Variants in SLMAP observed in about 807,000 individuals in gnomAD.
The protein encoded by SLMAP is sarcolemma associated protein.
Under a neutral mutation model 128.8 loss-of-function variants are expected in SLMAP, and 44 were observed. The observed-to-expected ratio is 0.34, with a 90% confidence interval of 0.27 to 0.44. SLMAP has a LOEUF of 0.44. Ranked by LOEUF, SLMAP falls within the 20% of genes least tolerant of loss-of-function variation. The pLI is 1.00. For missense variants in SLMAP, 787 were observed against 985.3 expected (o/e 0.80, Z 2.69); for synonymous variants, 327 against 348.8 (o/e 0.94, Z 0.70).
intron 15 of SLMAP, chr3:57,896,149 T>G: frequency 1.3e-6 from 1 of 753,768 alleles, no homozygotes; most frequent in Non-Finnish European, 1.6e-6. Context: ...TCTCCTTTAA[T>G]CATCTTTATA....
At chr3:57,821,267 CA>C (rs1553841686) in intron 2 of SLMAP, among the ~76,000 whole-genome samples, 2 of 152,014 alleles carry the variant, frequency 1.3e-5, no homozygotes. Flanking sequence ...GAGCTGGCCC[CA>C]AAAGAAAGAT....
In SLMAP at chr3:57,908,346, T is replaced by C. The variant is rs138291555; in HGVS notation, c.1624+340T>C. ...AATGTTAGCTAATGTCCTGGCCACA[T>C]TCTTTTCTAGTAGCTCACTTATCTA... On this transcript the variant is annotated intron_variant, in intron 18 of 24. Transcript: ENST00000671191. 1.5e-3 allele frequency among the ~76,000 whole-genome samples: 228 copies of C among 152,352 alleles called. 1 individual carries two copies. Among genetic ancestry groups the C allele is most frequent in the African/African-American group, 4.7e-3 (195 of 41,586 alleles).
chr3:57,781,286 A>G (rs1003982801), intron 2 of SLMAP, among the ~76,000 whole-genome samples: 5 of 152,056 alleles, frequency 3.3e-5, no homozygotes, highest in Non-Finnish European at 7.4e-5. Context: ...CAGCTACATT[A>G]TGTATGTATT....
At chr3:57,816,127 G>A (rs2091822562) in intron 2 of SLMAP, among the ~76,000 whole-genome samples, 2 of 151,484 alleles carry the variant, frequency 1.3e-5, no homozygotes, top group South Asian at 2.1e-4. Flanking sequence ...TAAACCGTTT[G>A]TGTTTGTTTG....
At chr3:57,863,260 G>A (rs2095172687) in intron 10 of SLMAP, among the ~76,000 whole-genome samples, 1 of 152,002 alleles carries the variant, frequency 6.6e-6, no homozygotes, top group Non-Finnish European at 1.5e-5. Flanking sequence ...TGTCTAGTTG[G>A]TCCTTTAGAA....
At chr3:57,838,341 G>A (rs2093739785) in intron 3 of SLMAP, among the ~76,000 whole-genome samples, 1 of 152,204 alleles carries the variant, frequency 6.6e-6, no homozygotes, top group South Asian at 2.1e-4. Flanking sequence ...TGGGAAAGGA[G>A]AAAGCTAGGT....
At chr3:57,864,749 TA>T (rs2095244724) in intron 11 of SLMAP, 33 bp downstream of exon 11, 1 of 1,574,390 alleles carries the variant, frequency 6.4e-7, no homozygotes, top group Non-Finnish European at 8.6e-7. Flanking sequence ...GATTTTATTT[TA>T]TTTTTTTTCT....
At chr3:57,920,835 T>G (rs1220046645) in intron 22 of SLMAP, among the ~76,000 whole-genome samples, 1 of 151,752 alleles carries the variant, frequency 6.6e-6, no homozygotes, top group Non-Finnish European at 1.5e-5. Context: ...ACCAACAAGG[T>G]GAAACCCCAT....
At chr3:57,882,990 T>TA (rs34538723) in intron 14 of SLMAP, among the ~76,000 whole-genome samples, 76 of 144,860 alleles carry the variant, frequency 5.2e-4, no homozygotes, top group East Asian at 8.5e-4. Flanking sequence ...ATTAAATTAT[T>TA]AAAAAAAAAA....
rs149165351 is a variant in SLMAP at position 57,831,039 on chromosome 3, A to G, written c.199-344A>G. 3.5e-4 allele frequency among the ~76,000 whole-genome samples: 53 copies of G among 152,282 alleles called. 2 individuals carry two copies. The East Asian group carries it at 0.01, about 29-fold the overall frequency. ...TTATGAATAATGCCAACATTTGTGT[A>G]GAAGTTTTTATGAGAACATGTTTTT... On this transcript the variant is annotated intron_variant, in intron 2 of 24. Coordinates refer to ENST00000671191, the MANE Select transcript of SLMAP (RefSeq NM_001377540.1).
At chr3:57,769,534 G>A (rs1289868186) in intron 2 of SLMAP, among the ~76,000 whole-genome samples, 2 of 151,954 alleles carry the variant, frequency 1.3e-5, no homozygotes, top group South Asian at 2.1e-4. Context: ...TATGTTGCCC[G>A]GCTGGTCTCA....
At chr3:57,883,510 G>A (rs1016166312) in intron 14 of SLMAP, among the ~76,000 whole-genome samples, 1 of 152,164 alleles carries the variant, frequency 6.6e-6, no homozygotes, top group Non-Finnish European at 1.5e-5. Flanking sequence ...GAATGAACAA[G>A]CACATAAAAG....
intron 13 of SLMAP, among the ~76,000 whole-genome samples, chr3:57,868,850 AAAT>A (rs1179905598): frequency 1.4e-5 from 2 of 138,414 alleles, no homozygotes; most frequent in Admixed American, 1.6e-4. Context: ...TTATATATAA[AAAT>A]ATATATTATA....
At chr3:57,823,474 G>GT (rs1401874497) in intron 2 of SLMAP, among the ~76,000 whole-genome samples, 1 of 151,162 alleles carries the variant, frequency 6.6e-6, no homozygotes, top group African/African-American at 2.4e-5. Flanking sequence ...GTGGTGTTTG[G>GT]TTTTTTGTCC....
chr3:57,807,722 G>A (rs925103192), intron 2 of SLMAP, among the ~76,000 whole-genome samples: 2 of 152,118 alleles, frequency 1.3e-5, no homozygotes, highest in African/African-American at 4.8e-5. Context: ...TCGCATCGAT[G>A]GCCTGAAGTT....
At chr3:57,906,666 G>GAA (rs1206959758) in intron 17 of SLMAP, among the ~76,000 whole-genome samples, 948 of 24,704 alleles carry the variant, frequency 0.038, 8 homozygotes, top group Middle Eastern at 0.087. Flanking sequence ...CTATGAATAT[G>GAA]AAAAAAAAAT....
At chr3:57,788,357 G>A (rs1221509670) in intron 2 of SLMAP, among the ~76,000 whole-genome samples, 1 of 152,150 alleles carries the variant, frequency 6.6e-6, no homozygotes, top group Admixed American at 6.5e-5. Context: ...GTGATAATGT[G>A]GAAGACATTG....
chr3:57,774,762 G>T (rs893858101), intron 2 of SLMAP, among the ~76,000 whole-genome samples: 2 of 152,114 alleles, frequency 1.3e-5, no homozygotes, highest in East Asian at 3.9e-4. Flanking sequence ...CTGACCTTGT[G>T]ATCCACCCGC....
intron 2 of SLMAP, among the ~76,000 whole-genome samples, chr3:57,786,517 CT>C (rs924848109): frequency 1.3e-5 from 2 of 150,544 alleles, no homozygotes; most frequent in Non-Finnish European, 2.9e-5. Flanking sequence ...CTACACTCAG[CT>C]TCGTTCCCAA....
Sources: allele counts gnomAD v4.1 joint callset (sites outside exome capture counted in the v4.1 genomes callset), GRCh38; gene constraint gnomAD v4.1.1; transcripts MANE v1.5; gene names NCBI Gene and HGNC (gene_info 2026-07-23, HGNC 2026-07-21).